NTRK3: variants seen among roughly 807,000 people sequenced by gnomAD.
NTRK3 encodes the protein NT-3 growth factor receptor.
Under a neutral mutation model 91.7 loss-of-function variants are expected in NTRK3, and 24 were observed. The observed-to-expected ratio is 0.26, with a 90% CI of 0.19 to 0.37. The LOEUF (loss-of-function observed/expected upper bound fraction) is 0.37, where lower values mean the gene tolerates loss of function less well. NTRK3 is among the 10% of genes least tolerant of loss of function. The pLI is 1.00. For missense variants in NTRK3, 880 were observed against 1,068.9 expected, an observed-to-expected ratio of 0.82 and a Z score of 2.46; for synonymous variants, 483 against 404.0, an observed-to-expected ratio of 1.20 and a Z score of -2.34.
At chr15:88,138,632 G>C (rs2042101466) in intron 6 of NTRK3, among the ~76,000 whole-genome samples, 1 of 152,076 alleles carries the variant, frequency 6.6e-6, no homozygotes, top group Non-Finnish European at 1.5e-5. Context: ...CCTACCCCAG[G>C]ACCTTTGCAC....
intron 14 of NTRK3, among the ~76,000 whole-genome samples, chr15:87,947,929 T>C (rs1053266474): frequency 2.0e-5 from 3 of 152,030 alleles, no homozygotes; most frequent in African/African-American, 7.2e-5. Flanking sequence ...GAGGGCCAGC[T>C]TTGAACCTTT....
At chr15:87,982,111 C>G (rs1227336355) in intron 14 of NTRK3, among the ~76,000 whole-genome samples, 1 of 152,222 alleles carries the variant, frequency 6.6e-6, no homozygotes, top group African/African-American at 2.4e-5. Context: ...CTGCCAATGT[C>G]CCCGAAGCTG....
At chr15:87,930,934 T>A (rs1349243197) in intron 16 of NTRK3, 2 of 200,044 alleles carry the variant, frequency 1.0e-5, no homozygotes, top group Non-Finnish European at 2.1e-5. Context: ...GTCTTCAGAG[T>A]GTCAGCAAGT....
chr15:87,901,469 C>T (rs895846588), intron 17 of NTRK3, among the ~76,000 whole-genome samples: 2 of 152,140 alleles, frequency 1.3e-5, no homozygotes, highest in African/African-American at 4.8e-5. Flanking sequence ...GTAGGTAATC[C>T]CCAAGGGTAG....
intron 6 of NTRK3, among the ~76,000 whole-genome samples, chr15:88,140,189 G>A (rs561035808): frequency 1.3e-5 from 2 of 152,294 alleles, no homozygotes; most frequent in Middle Eastern, 3.4e-3. Flanking sequence ...AAAGAGGTCT[G>A]TAAAAAGAGA....
intron 14 of NTRK3, among the ~76,000 whole-genome samples, chr15:87,997,112 G>A (rs1339811868): frequency 6.6e-6 from 1 of 152,228 alleles, no homozygotes; most frequent in Non-Finnish European, 1.5e-5. Context: ...GGCAGATGTG[G>A]ATCAGGCACC....
At chr15:88,025,962 GAAATA>G (rs1387923303) in intron 14 of NTRK3, among the ~76,000 whole-genome samples, 4 of 152,022 alleles carry the variant, frequency 2.6e-5, no homozygotes, top group African/African-American at 9.6e-5. Context: ...GTCTCAAAAA[GAAATA>G]AAATAAAATA....
intron 3 of NTRK3, among the ~76,000 whole-genome samples, chr15:88,204,826 AGG>A (rs2048603146): frequency 6.6e-6 from 1 of 152,210 alleles, no homozygotes; most frequent in African/African-American, 2.4e-5. Flanking sequence ...TCTCTGGCTC[AGG>A]CACATTCATC....
intron 14 of NTRK3, among the ~76,000 whole-genome samples, chr15:87,974,956 G>C (rs987076170): frequency 6.6e-6 from 1 of 152,180 alleles, no homozygotes; most frequent in South Asian, 2.1e-4. Flanking sequence ...ACTTTAGGGG[G>C]CTGCAGAGTG....
chr15:87,869,540 G>C (rs931131859), exon 19 of NTRK3: 4 of 217,208 alleles, frequency 1.8e-5, no homozygotes, highest in African/African-American at 9.0e-5. Flanking sequence ...TTTTCTCACT[G>C]TTTGAAGTCC....
At chr15:88,128,000 TATTGAC>T (rs1264911739) in intron 11 of NTRK3, among the ~76,000 whole-genome samples, 5 of 152,098 alleles carry the variant, frequency 3.3e-5, no homozygotes, top group Admixed American at 3.3e-4. Flanking sequence ...AAATCACAGA[TATTGAC>T]ATCAGTGCCA....
intron 13 of NTRK3, among the ~76,000 whole-genome samples, chr15:88,067,776 A>AT (rs1195519733): frequency 6.6e-6 from 1 of 152,148 alleles, no homozygotes; most frequent in East Asian, 1.9e-4. Flanking sequence ...CTCAGTCTCA[A>AT]TTTTCTATAA....
At chr15:88,092,440 T>C (rs867717097) in intron 13 of NTRK3, among the ~76,000 whole-genome samples, 1 of 152,276 alleles carries the variant, frequency 6.6e-6, no homozygotes, top group Middle Eastern at 3.4e-3. Flanking sequence ...CAGAGCTTGG[T>C]TAAATCTCTG....
intron 14 of NTRK3, among the ~76,000 whole-genome samples, chr15:87,995,875 T>C (rs768835277): frequency 4.6e-5 from 7 of 152,352 alleles, no homozygotes; most frequent in Non-Finnish European, 7.3e-5. Flanking sequence ...TTTAGAGACA[T>C]TGAAATTTGA....
chr15:87,877,033 G>A lies in NTRK3; in HGVS notation c.2380C>T (p.Gln794Ter), dbSNP rs1198926876. 1 of 1,613,876 alleles carries A rather than the reference G, an allele frequency of 6.2e-7. No homozygotes were observed. ...TTCAACCGCTGCTGTGGTTCCCTCT[G>A]CCAGCACCCCAGCATGACATCGTAC... is the stretch of plus-strand genomic sequence containing the variant. The change falls in exon 19 of 19, where the codon CAG becomes TAG. Residue 794 changes from glutamine to a stop codon, truncating the protein, a stop_gained. Transcript: ENST00000394480. LOFTEE classifies it high-confidence loss of function.
At chr15:88,186,569 G>C (rs892970504) in intron 3 of NTRK3, among the ~76,000 whole-genome samples, 1 of 152,238 alleles carries the variant, frequency 6.6e-6, no homozygotes, top group Non-Finnish European at 1.5e-5. Context: ...CTCTAAGGCA[G>C]TGGTCGTCAA....
At chr15:88,073,795 G>A (rs957815694) in intron 13 of NTRK3, among the ~76,000 whole-genome samples, 12 of 133,118 alleles carry the variant, frequency 9.0e-5, no homozygotes, top group South Asian at 5.2e-4. Context: ...GCCCCACCCC[G>A]CAGGGAAGAG....
At chr15:87,946,934 T>C (rs1367106973) in intron 14 of NTRK3, among the ~76,000 whole-genome samples, 1 of 136,402 alleles carries the variant, frequency 7.3e-6, no homozygotes, top group Non-Finnish European at 1.5e-5. Context: ...CAGGCTGGAG[T>C]GCAATGGCGC....
intron 17 of NTRK3, among the ~76,000 whole-genome samples, chr15:87,882,847 G>T (rs2065326816): frequency 6.6e-6 from 1 of 151,984 alleles, no homozygotes; most frequent in Non-Finnish European, 1.5e-5. Flanking sequence ...ACTACAGAAA[G>T]GCGGAGTAGG....
Sources: gnomAD v4.1 joint callset for allele counts (sites outside exome capture counted in the v4.1 genomes callset) on GRCh38, gnomAD v4.1.1 for gene constraint, MANE v1.5 for transcripts, NCBI Gene and HGNC (gene_info 2026-07-23, HGNC 2026-07-21) for gene names.